The following WWOX variants were observed in gnomAD, a reference collection of about 807,000 sequenced individuals.
WWOX encodes the protein WW domain-containing oxidoreductase.
Under a neutral mutation model 46.2 loss-of-function variants are expected in WWOX, and 69 were observed. The observed-to-expected ratio is 1.49, with a 90% CI of 1.23 to 1.82. The LOEUF (loss-of-function observed/expected upper bound fraction) is 1.82, where lower values mean the gene tolerates loss of function less well. WWOX is among the 40% of genes most tolerant of loss of function. The pLI is 0.00. For synonymous variants in WWOX, 359 were observed against 202.6 expected (o/e 1.77, Z -6.56); for missense variants, 919 against 542.6 (o/e 1.69, Z -6.89).
chr16:78,397,333 G>T (rs1358750893), intron 6 of WWOX, among the ~76,000 whole-genome samples: 1 of 152,152 alleles, frequency 6.6e-6, no homozygotes, highest in South Asian at 2.1e-4. Flanking sequence ...CATGTGTCAT[G>T]TACAGCTAAG....
At chr16:78,668,199 G>T (rs1196907674) in intron 8 of WWOX, among the ~76,000 whole-genome samples, 3 of 152,106 alleles carry the variant, frequency 2.0e-5, no homozygotes, top group African/African-American at 7.2e-5. Context: ...AGAACCACTG[G>T]AACCTGGGAA....
intron 8 of WWOX, among the ~76,000 whole-genome samples, chr16:78,542,813 T>A (rs111382283): frequency 6.6e-6 from 1 of 152,204 alleles, no homozygotes; most frequent in African/African-American, 2.4e-5. Flanking sequence ...TTTCTTTCTT[T>A]CTTAATGCAG....
At chr16:79,093,257 A>G (rs1418177795) in intron 8 of WWOX, among the ~76,000 whole-genome samples, 2 of 152,204 alleles carry the variant, frequency 1.3e-5, no homozygotes, top group Non-Finnish European at 2.9e-5. Flanking sequence ...CAGATTTTGG[A>G]GGCGAAAGAT....
chr16:78,373,243 T>C (rs1023881035), intron 5 of WWOX, among the ~76,000 whole-genome samples: 1 of 152,214 alleles, frequency 6.6e-6, no homozygotes, highest in Non-Finnish European at 1.5e-5. Context: ...AGCACAATTT[T>C]ACCAAAAGTC....
intron 8 of WWOX, among the ~76,000 whole-genome samples, chr16:79,011,913 T>G (rs1272218295): frequency 6.6e-6 from 1 of 152,182 alleles, no homozygotes; most frequent in African/African-American, 2.4e-5. Flanking sequence ...CTCAGCCTCC[T>G]GAGTCACTGG....
At chr16:78,106,427 T>TG (rs1555534573) in intron 1 of WWOX, among the ~76,000 whole-genome samples, 8 of 147,090 alleles carry the variant, frequency 5.4e-5, no homozygotes, top group Admixed American at 1.4e-4. Context: ...TTTTGTTTTT[T>TG]TTTTTTTTTT....
chr16:79,150,851 G>A (rs2050264959), intron 8 of WWOX, among the ~76,000 whole-genome samples: 1 of 152,070 alleles, frequency 6.6e-6, no homozygotes, highest in Non-Finnish European at 1.5e-5. Flanking sequence ...TCATTGCGTA[G>A]GCCACTTGGA....
chr16:78,491,770 C>G (rs1423712538), intron 8 of WWOX, among the ~76,000 whole-genome samples: 1 of 152,148 alleles, frequency 6.6e-6, no homozygotes, highest in Non-Finnish European at 1.5e-5. Context: ...GAATTTGAAA[C>G]CCCAGGAGAA....
chr16:79,101,256 C>T (rs951421138), intron 8 of WWOX: 2 of 152,164 alleles, frequency 1.3e-5, no homozygotes, highest in African/African-American at 2.4e-5. Context: ...GCTTGTATGA[C>T]AGTGGAATGT....
chr16:78,830,418 T>C (rs968464148), intron 8 of WWOX, among the ~76,000 whole-genome samples: 1 of 152,008 alleles, frequency 6.6e-6, no homozygotes, highest in African/African-American at 2.4e-5. Context: ...TTTCTATGGC[T>C]CTCCCCTCCC....
intron 8 of WWOX, among the ~76,000 whole-genome samples, chr16:78,811,244 T>G (rs1010353719): frequency 5.9e-5 from 9 of 152,186 alleles, no homozygotes; most frequent in South Asian, 2.1e-4. Context: ...CATACATAGG[T>G]GTATTATTCT....
chr16:78,162,472 A>AAT (rs10668078), intron 4 of WWOX, among the ~76,000 whole-genome samples: 38,830 of 150,706 alleles, frequency 0.26, 4,998 homozygotes, highest in South Asian at 0.36. Context: ...CACAGACATA[A>AAT]ATATATATAT....
chr16:78,914,262 T>C (rs376098092), intron 8 of WWOX, among the ~76,000 whole-genome samples: 16 of 152,080 alleles, frequency 1.1e-4, no homozygotes, highest in African/African-American at 3.9e-4. Context: ...TGCTAATTTA[T>C]TAGTATTGCC....
intron 8 of WWOX, among the ~76,000 whole-genome samples, chr16:79,018,496 C>T (rs2047462648): frequency 6.6e-6 from 1 of 152,024 alleles, no homozygotes; most frequent in South Asian, 2.1e-4. Context: ...TACACAGACC[C>T]AAGAGGAGAA....
At chr16:79,058,971 G>C (rs975500757) in intron 8 of WWOX, among the ~76,000 whole-genome samples, 1 of 152,110 alleles carries the variant, frequency 6.6e-6, no homozygotes, top group South Asian at 2.1e-4. Flanking sequence ...CCTTAAATCT[G>C]ATTTAAAAGG....
chr16:78,793,757 T>G (rs565176027), intron 8 of WWOX, among the ~76,000 whole-genome samples: 60 of 152,084 alleles, frequency 3.9e-4, no homozygotes, highest in Non-Finnish European at 6.6e-4. Flanking sequence ...TAGAAGGGTT[T>G]GAAGAGGAAT....
intron 8 of WWOX, among the ~76,000 whole-genome samples, chr16:78,539,224 A>T (rs141927225): frequency 2.6e-5 from 4 of 152,214 alleles, no homozygotes. Flanking sequence ...CAACTGAACT[A>T]TGGTGGTTAG....
chr16:78,128,661 GT>G (rs1482297416), intron 4 of WWOX, among the ~76,000 whole-genome samples: 1 of 152,134 alleles, frequency 6.6e-6, no homozygotes, highest in Admixed American at 6.6e-5. Context: ...CTTTTTCCTG[GT>G]GATCACACAA....
At chr16:78,297,497 A>G (rs1040403012) in intron 5 of WWOX, among the ~76,000 whole-genome samples, 2 of 152,204 alleles carry the variant, frequency 1.3e-5, no homozygotes, top group Admixed American at 6.5e-5. Context: ...TATGCCATTT[A>G]GTTTCTTCCT....
Sources: allele counts gnomAD v4.1 joint callset (sites outside exome capture counted in the v4.1 genomes callset), GRCh38; gene constraint gnomAD v4.1.1; transcripts MANE v1.5; gene names NCBI Gene and HGNC (gene_info 2026-07-23, HGNC 2026-07-21).